RIPPLY1: variants seen among roughly 807,000 people sequenced by gnomAD.
The protein encoded by RIPPLY1 is protein ripply1.
Under a neutral mutation model 8.7 loss-of-function variants are expected in RIPPLY1, and 10 were observed. That is an observed-to-expected ratio of 1.15 (90% confidence interval 0.71 to 1.94). The LOEUF (loss-of-function observed/expected upper bound fraction) is 1.94. RIPPLY1 is among the 30% of genes most tolerant of loss of function. The pLI is 0.00. For synonymous variants in RIPPLY1, 54 were observed against 44.8 expected, an observed-to-expected ratio of 1.20 and a Z score of -0.82; for missense variants, 118 against 108.7, an observed-to-expected ratio of 1.09 and a Z score of -0.38.
In RIPPLY1 at chrX:106,903,170, G is replaced by A. The variant is rs1569285297; in HGVS notation, c.118C>T (p.Leu40Phe). Reference sequence around the variant, plus strand: ...TTTACTTCTTGTCCAGAGGAGAGAAGGCAAGATGGGCTTAACAGGCCAGGG... The same window carrying A: ...TTTACTTCTTGTCCAGAGGAGAGAAAGCAAGATGGGCTTAACAGGCCAGGG... Reference protein sequence around the residue: ...ALPGLLSPSCLLSSGQEVNGS... With the variant: ...ALPGLLSPSCFLSSGQEVNGS... Residue 40 changes from leucine (L) to phenylalanine (F), a missense_variant, in exon 1 of 4, where the codon CTT becomes TTT. Transcript: ENST00000276173. The A allele has an allele frequency of 8.3e-7, 1 of 1,209,879 alleles. No homozygotes were observed.
At chrX:106,902,550 T>C (rs1187132671) in intron 1 of RIPPLY1, among the ~76,000 whole-genome samples, 1 of 111,625 alleles carries the variant, frequency 9.0e-6, no homozygotes, top group Non-Finnish European at 1.9e-5. Flanking sequence ...AGACTAAATG[T>C]TTGGAGTAAT....
At position 106,901,546 on chromosome X, in the gene RIPPLY1, A is replaced by G; in HGVS notation, c.232-8T>C. 1.7e-6 allele frequency: 2 copies of G among 1,210,342 alleles called. No homozygotes were observed. Among genetic ancestry groups the G allele is most frequent in the Middle Eastern group, 2.3e-4 (1 of 4,337 alleles). On this transcript the variant is annotated splice_polypyrimidine_tract_variant and splice_region_variant and intron_variant, in intron 2 of 3. Coordinates refer to ENST00000276173, the MANE Select transcript of RIPPLY1 (RefSeq NM_138382.3). Reference sequence around the variant, plus strand: ...CGTTGCCCCACCAGCAGCCTGTCCAAAGCAAAAGCTAGCATGTGGCTCAAA... The same window carrying G: ...CGTTGCCCCACCAGCAGCCTGTCCAGAGCAAAAGCTAGCATGTGGCTCAAA...
In RIPPLY1 at chrX:106,900,848, C is replaced by G; in HGVS notation, c.357G>C (p.Leu119=). The part of the protein sequence containing the change: ...DYLYSAGEIL[L]QNFPVQATIN... ...TGGTTGCCTGGACAGGAAAGTTCTG[C>G]AGTAAAATCTCCCCAGCACTGTACA... The change falls in exon 4 of 4, where the codon CTG becomes CTC. Residue 119 remains leucine (L), a synonymous_variant. Coordinates refer to ENST00000276173, the MANE Select transcript of RIPPLY1 (RefSeq NM_138382.3). The G allele has an allele frequency of 8.3e-7, 1 of 1,211,566 alleles. No individual in the cohort carries two copies.
Position 106,902,266 on chromosome X carries a change from G to A in RIPPLY1, c.156-51C>T. On this transcript the variant is annotated intron_variant, in intron 1 of 3. Coordinates refer to ENST00000276173, the MANE Select transcript of RIPPLY1 (RefSeq NM_138382.3). Reference sequence around the variant, plus strand: ...CGTAGAGGAAGAGACTGAAAGGTGGGCTCCCTGAGATAACAAGAGACCTCC... The same window carrying A: ...CGTAGAGGAAGAGACTGAAAGGTGGACTCCCTGAGATAACAAGAGACCTCC... The A allele has an allele frequency of 5.8e-6, 6 of 1,041,741 alleles. No homozygotes were observed. The East Asian group carries it at 2.0e-4, about 34-fold the overall frequency. The allele number at this position is 1,041,741 out of a possible 1,213,427, so 85.9% of individuals were successfully genotyped here.
intron 2 of RIPPLY1, 118 bp from the exon 3 acceptor site, chrX:106,901,656 T>G (rs1933097048): frequency 7.0e-6 from 5 of 713,503 alleles, no homozygotes; most frequent in Non-Finnish European, 1.1e-5. Flanking sequence ...TAGACATCTC[T>G]GGGACCCAGC....
rs182725533 is a variant in RIPPLY1, at chrX:106,900,797, G to C, written c.408C>G (p.Ser136Arg). The part of the protein sequence containing the change: ...ATINLYEDSD[S>R]EEEEEDEEQE... ...GCTCTTCATCTTCCTCTTCTTCTTCGCTGTCTGAGTCCTCGTATAGGTTGA... is the reference window on the plus strand; with the variant it reads ...GCTCTTCATCTTCCTCTTCTTCTTCCCTGTCTGAGTCCTCGTATAGGTTGA... Residue 136 changes from serine to arginine, a missense_variant, in exon 4 of 4, where the codon AGC (serine) becomes AGG (arginine). Transcript: ENST00000276173. The C allele has an allele frequency of 2.2e-5, 27 of 1,208,966 alleles. No homozygotes were observed. The highest frequency in any genetic ancestry group is 3.0e-5 in the Non-Finnish European group (27 of 894,750).
chrX:106,901,851 T>G (rs188246617), intron 2 of RIPPLY1, among the ~76,000 whole-genome samples: 1 of 111,552 alleles, frequency 9.0e-6, no homozygotes, highest in East Asian at 2.9e-4. Flanking sequence ...GGGAGAGCAC[T>G]GGAGTAAGGT....
At chrX:106,903,060 A>T in intron 1 of RIPPLY1, 73 bp downstream of exon 1, 2 of 1,123,781 alleles carry the variant, frequency 1.8e-6, no homozygotes, top group South Asian at 3.8e-5. Flanking sequence ...TGCCCTGGAC[A>T]TCTCATTTTC....
Position 106,902,024 on chromosome X carries a change from A to T in RIPPLY1, c.231+116T>A, listed in dbSNP as rs376120891. On this transcript the variant is annotated intron_variant, in intron 2 of 3. Transcript: ENST00000276173. ...ATCAAATGTTGGCAAAACTGTGAGGATGCTATCTCAGATCTGCACCTTTGG... is the reference window on the plus strand; with the variant it reads ...ATCAAATGTTGGCAAAACTGTGAGGTTGCTATCTCAGATCTGCACCTTTGG... The T allele has an allele frequency of 5.7e-5, 31 of 541,488 alleles. No individual in the cohort carries two copies. The East Asian group carries it at 5.9e-4, about 10-fold the overall frequency. The allele number at this position is 541,488 out of a possible 1,213,427, so 44.6% of individuals were successfully genotyped here. A position where few individuals can be genotyped will look rare whatever the true frequency, so the allele number is the denominator to read the frequency against.
intron 1 of RIPPLY1, among the ~76,000 whole-genome samples, chrX:106,902,437 C>G (rs1013186662): frequency 8.9e-6 from 1 of 112,233 alleles, no homozygotes; most frequent in Non-Finnish European, 1.9e-5. Context: ...ATTTACTTGT[C>G]TTTGGGCTTC....
Position 106,902,125 on chromosome X carries a change from AG to A in RIPPLY1, c.231+14del. 1 of 1,184,420 alleles carries A rather than the reference AG, an allele frequency of 8.4e-7. No individual in the cohort carries two copies. Among genetic ancestry groups the A allele is most frequent in the Non-Finnish European group, 1.1e-6 (1 of 879,183 alleles). ...TGGCTGCATGTGAACACACGTCACAAGGGCTCGAACTCACCAAATCCACCAG... is the reference window on the plus strand; with the variant it reads ...TGGCTGCATGTGAACACACGTCACAAGGCTCGAACTCACCAAATCCACCAG... On this transcript the variant is annotated intron_variant, in intron 2 of 3. Coordinates refer to ENST00000276173, the MANE Select transcript of RIPPLY1 (RefSeq NM_138382.3).
Position 106,900,380 on chromosome X carries a change from C to T in RIPPLY1, c.*369G>A, listed in dbSNP as rs890607091. Reference sequence around the variant, plus strand: ...CTTCCCTCCACAAGGGCATTCCCTGCCCTGCTCTGCTTCCTGGGGGCTTCA... The same window carrying T: ...CTTCCCTCCACAAGGGCATTCCCTGTCCTGCTCTGCTTCCTGGGGGCTTCA... On this transcript the variant is annotated 3_prime_UTR_variant, in exon 4 of 4. Coordinates refer to ENST00000276173, the MANE Select transcript of RIPPLY1 (RefSeq NM_138382.3). The T allele has an allele frequency of 2.1e-5, 3 of 142,812 alleles. No individual in the cohort carries two copies. Among genetic ancestry groups the T allele is most frequent in the African/African-American group, 9.4e-5 (3 of 31,806 alleles). The allele number at this position is 142,812 out of a possible 1,213,427, so 11.8% of individuals were successfully genotyped here.
rs1386599406 is a variant in RIPPLY1, at chrX:106,903,246, T to A, written c.42A>T (p.Pro14=). 1 of 1,209,757 alleles carries A rather than the reference T, an allele frequency of 8.3e-7. No homozygotes were observed. Among genetic ancestry groups the A allele is most frequent in the Non-Finnish European group, 1.1e-6 (1 of 894,253 alleles). ...CTGGAGCTAGGGCCAAAGCCAGGGC[T>A]GGAACAGGGGTGGCAGCAGCAGCAC... ...AACAAAATPV[P]ALALALAPDL... The change falls in exon 1 of 4, where the codon CCA becomes CCT. Residue 14 remains proline (P), a synonymous_variant. Coordinates refer to ENST00000276173, the MANE Select transcript of RIPPLY1 (RefSeq NM_138382.3).
In RIPPLY1 at chrX:106,903,235, A is replaced by G. The variant is rs1163656337; in HGVS notation, c.53T>C (p.Leu18Ser). Reference sequence around the variant, plus strand: ...TTGTGCTAGGTCTGGAGCTAGGGCCAAAGCCAGGGCTGGAACAGGGGTGGC... The same window carrying G: ...TTGTGCTAGGTCTGGAGCTAGGGCCGAAGCCAGGGCTGGAACAGGGGTGGC... ...AAATPVPALA[L>S]ALAPDLAQAP... The change falls in exon 1 of 4, where the codon TTG becomes TCG. Residue 18 changes from leucine (L) to serine (S), a missense_variant. Physicochemically the swap from Leu to Ser is moderately radical, Grantham distance 145. Transcript: ENST00000276173. The G allele has an allele frequency of 2.5e-6, 3 of 1,210,404 alleles. No individual in the cohort carries two copies.
intron 2 of RIPPLY1, 145 bp from the exon 3 acceptor site, chrX:106,901,683 C>T: frequency 1.9e-6 from 1 of 513,377 alleles, no homozygotes; most frequent in Non-Finnish European, 3.2e-6. Flanking sequence ...CAATACCCAC[C>T]CCTCAACAAG....
intron 1 of RIPPLY1, 82 bp from the exon 2 acceptor site, chrX:106,902,297 G>A: frequency 1.2e-6 from 1 of 856,574 alleles, no homozygotes; most frequent in Non-Finnish European, 1.7e-6. Flanking sequence ...CCTCCCAAAA[G>A]CTTGGCTCAG....
At chrX:106,902,360 C>T in intron 1 of RIPPLY1, 145 bp from the exon 2 acceptor site, 1 of 447,571 alleles carries the variant, frequency 2.2e-6, no homozygotes. Context: ...CATTCCAGGA[C>T]AGATGTCCCT....
chrX:106,902,262 G>GTA, intron 1 of RIPPLY1, 47 bp from the exon 2 acceptor site: 1 of 1,054,404 alleles, frequency 9.5e-7, no homozygotes, highest in Non-Finnish European at 1.3e-6. Flanking sequence ...AGACTGAAAG[G>GTA]TGGGCTCCCT....
intron 1 of RIPPLY1, 87 bp from the exon 2 acceptor site, chrX:106,902,302 G>C: frequency 6.4e-6 from 5 of 786,147 alleles, no homozygotes; most frequent in South Asian, 2.5e-5. Flanking sequence ...CAAAAGCTTG[G>C]CTCAGGTGCC....
Sources: gnomAD v4.1 joint callset for allele counts (sites outside exome capture counted in the v4.1 genomes callset) on GRCh38, gnomAD v4.1.1 for gene constraint, MANE v1.5 for transcripts, NCBI Gene and HGNC (gene_info 2026-07-23, HGNC 2026-07-21) for gene names.